The following MATN2 variants were observed in gnomAD, a reference collection of about 807,000 sequenced individuals.
MATN2 encodes the protein matrilin 2.
In MATN2, 69 loss-of-function variants were observed where a neutral mutation model predicts 103.2. That is an observed-to-expected ratio of 0.67 (90% confidence interval 0.55 to 0.82). The LOEUF (loss-of-function observed/expected upper bound fraction) is 0.82. Among genes scored for constraint, MATN2 ranks in the 40% least tolerant of loss-of-function variants. The probability of loss-of-function intolerance (pLI) is 0.00; values close to 1 mark genes in which losing one functional copy is unlikely to be tolerated. For missense variants in MATN2, 1,023 were observed against 1,211.5 expected (o/e 0.84, Z 2.31); for synonymous variants, 429 against 450.2 (o/e 0.95, Z 0.60).
At chr8:97,876,897 T>C (rs1818092281) in intron 1 of MATN2, among the ~76,000 whole-genome samples, 1 of 152,196 alleles carries the variant, frequency 6.6e-6, no homozygotes, top group East Asian at 1.9e-4. Context: ...GTAATTAATA[T>C]GCCGTAATTA....
chr8:97,919,022 A>G (rs1809725030), intron 2 of MATN2, among the ~76,000 whole-genome samples: 1 of 152,206 alleles, frequency 6.6e-6, no homozygotes, highest in African/African-American at 2.4e-5. Context: ...AGGAGACAAA[A>G]GAGACTCCAG....
At chr8:97,970,102 G>T (rs1374610826) in intron 5 of MATN2, among the ~76,000 whole-genome samples, 1 of 152,206 alleles carries the variant, frequency 6.6e-6, no homozygotes, top group Non-Finnish European at 1.5e-5. Flanking sequence ...TTGCAGAGCA[G>T]GGCTACCCTG....
intron 7 of MATN2, among the ~76,000 whole-genome samples, chr8:97,997,390 C>T (rs1682685425): frequency 1.3e-5 from 2 of 152,220 alleles, no homozygotes; most frequent in Admixed American, 6.5e-5. Flanking sequence ...CACCCTGTTG[C>T]CTCTCCAGTT....
chr8:97,932,502 A>G (rs1193640412), intron 3 of MATN2, among the ~76,000 whole-genome samples: 3 of 152,134 alleles, frequency 2.0e-5, no homozygotes, highest in Admixed American at 2.0e-4. Context: ...GCATTCTTCT[A>G]TGTTGGAAGC....
At chr8:97,983,383 A>G (rs1194241364) in intron 6 of MATN2, among the ~76,000 whole-genome samples, 1 of 152,160 alleles carries the variant, frequency 6.6e-6, no homozygotes, top group African/African-American at 2.4e-5. Context: ...GGGTTTTTAT[A>G]CCCAGAAGTG....
intron 3 of MATN2, among the ~76,000 whole-genome samples, chr8:97,932,511 G>T (rs1810232417): frequency 6.6e-6 from 1 of 152,188 alleles, no homozygotes; most frequent in Non-Finnish European, 1.5e-5. Context: ...TATGTTGGAA[G>T]CTTTCTTTCC....
At chr8:97,883,778 T>C (rs1325187548) in intron 1 of MATN2, among the ~76,000 whole-genome samples, 1 of 152,044 alleles carries the variant, frequency 6.6e-6, no homozygotes. Flanking sequence ...ATGGTCTCGA[T>C]CTCCTGACCT....
At chr8:98,032,913 G>T in intron 16 of MATN2, 129 bp from the exon 17 acceptor site, 3 of 668,956 alleles carry the variant, frequency 4.5e-6, no homozygotes, top group African/African-American at 1.9e-5. Flanking sequence ...CAGTCTTTTT[G>T]CTTCAGTATG....
intron 8 of MATN2, chr8:98,004,062 A>T: frequency 5.7e-6 from 2 of 349,172 alleles, no homozygotes; most frequent in Non-Finnish European, 1.1e-5. Context: ...CAAGGCGGGC[A>T]GATCACCTGA....
chr8:98,027,508 A>G lies in MATN2; in HGVS notation c.2035A>G (p.Thr679Ala), dbSNP rs757160340. The change falls in exon 14 of 19, where the codon ACT becomes GCT. Residue 679 changes from threonine (T) to alanine (A), a missense_variant. By Grantham distance (58) the Thr-to-Ala change is moderately conservative. Transcript: ENST00000254898. ...TTTTGAGGTCGTGAAGCAGTTTGTCACTGGAATTATAGATTCCTTGACAAT... is the reference window on the plus strand; with the variant it reads ...TTTTGAGGTCGTGAAGCAGTTTGTCGCTGGAATTATAGATTCCTTGACAAT... The part of the protein sequence containing the change: ...ENFEVVKQFV[T>A]GIIDSLTISP... The G allele has an allele frequency of 2.5e-6, 4 of 1,613,962 alleles. No homozygotes were observed. Among genetic ancestry groups the G allele is most frequent in the South Asian group, 1.1e-5 (1 of 91,084 alleles).
intron 4 of MATN2, among the ~76,000 whole-genome samples, chr8:97,947,382 A>C (rs1452201561): frequency 6.6e-6 from 1 of 152,074 alleles, no homozygotes; most frequent in Non-Finnish European, 1.5e-5. Context: ...ACAACAACAA[A>C]AAGCCACTAA....
chr8:98,032,517 TTTTTTG>T (rs1054862429), intron 16 of MATN2, among the ~76,000 whole-genome samples, 200 bp downstream of exon 16: 92 of 152,148 alleles, frequency 6.0e-4, no homozygotes, highest in African/African-American at 2.1e-3. Flanking sequence ...GTGACAGTGT[TTTTTTG>T]TTTTTGTTTT....
At chr8:97,962,440 C>A (rs1811346846) in intron 5 of MATN2, among the ~76,000 whole-genome samples, 1 of 152,106 alleles carries the variant, frequency 6.6e-6, no homozygotes, top group Admixed American at 6.5e-5. Context: ...ATGTGGAAGG[C>A]AAAACAAAAC....
At chr8:97,988,989 C>A (rs939515359) in intron 6 of MATN2, among the ~76,000 whole-genome samples, 3 of 152,186 alleles carry the variant, frequency 2.0e-5, no homozygotes, top group Non-Finnish European at 4.4e-5. Context: ...AAGTACAATA[C>A]ATCACAACCA....
intron 2 of MATN2, among the ~76,000 whole-genome samples, chr8:97,889,731 C>T (rs943544750): frequency 8.5e-5 from 13 of 152,080 alleles, no homozygotes; most frequent in Non-Finnish European, 1.9e-4. Flanking sequence ...ACATGAGCCA[C>T]TACGCATGGC....
intron 3 of MATN2, among the ~76,000 whole-genome samples, chr8:97,936,139 A>G (rs1810362628): frequency 6.6e-6 from 1 of 152,174 alleles, no homozygotes; most frequent in Admixed American, 6.5e-5. Flanking sequence ...GGTCCTGTCT[A>G]CAAGATGACC....
rs554352704 is a variant in MATN2, at chr8:98,021,851, A to G, written c.1942+524A>G. On this transcript the variant is annotated intron_variant, in intron 13 of 18. Coordinates refer to ENST00000254898, the MANE Select transcript of MATN2 (RefSeq NM_002380.5). ...CTGTGATACCTTTTTTTAACCTATT[A>G]GTTAACCTATTAGTTACCAGAGATC... 2.6e-5 allele frequency among the ~76,000 whole-genome samples: 4 copies of G among 152,330 alleles called. No individual in the cohort carries two copies. In the South Asian group the frequency reaches 8.3e-4, roughly 32 times the overall value.
At chr8:97,876,667 T>TC (rs1818083643) in intron 1 of MATN2, among the ~76,000 whole-genome samples, 1 of 152,120 alleles carries the variant, frequency 6.6e-6, no homozygotes, top group African/African-American at 2.4e-5. Flanking sequence ...AGTACACTAA[T>TC]CAAGGAAGCA....
At chr8:97,984,131 C>T (rs1330961203) in intron 6 of MATN2, among the ~76,000 whole-genome samples, 1 of 152,196 alleles carries the variant, frequency 6.6e-6, no homozygotes, top group Non-Finnish European at 1.5e-5. Flanking sequence ...AAAGTTCAAC[C>T]TAGTTCTTGC....
Sources: gnomAD v4.1 joint callset for allele counts (sites outside exome capture counted in the v4.1 genomes callset) on GRCh38, gnomAD v4.1.1 for gene constraint, MANE v1.5 for transcripts, NCBI Gene and HGNC (gene_info 2026-07-23, HGNC 2026-07-21) for gene names.